Variants in NID1 observed in about 807,000 individuals in gnomAD.
NID1 encodes nidogen 1.
Under a neutral mutation model 130.6 loss-of-function variants are expected in NID1, and 76 were observed. The observed-to-expected ratio is 0.58, with a 90% CI of 0.48 to 0.70. The LOEUF is 0.70. NID1 is among the 30% of genes least tolerant of loss of function. NID1 has a pLI of 0.00. For missense variants in NID1, 1,517 were observed against 1,664.8 expected (o/e 0.91, Z 1.54); for synonymous variants, 665 against 675.1 (o/e 0.98, Z 0.23).
rs200949377 is a variant in NID1, at chr1:236,048,903, G to C, written c.312C>G (p.Val104=). ...TGTCCAAGTCCGCCAGGAAAGGGGCGACTGCACCGAATGTTGGTGGGAAGA... is the reference window on the plus strand; with the variant it reads ...TGTCCAAGTCCGCCAGGAAAGGGGCCACTGCACCGAATGTTGGTGGGAAGA... ...PGLFPPTFGA[V]APFLADLDTT... is the part of the protein sequence containing the mutation. The change falls in exon 2 of 20, where the codon GTC becomes GTG. Residue 104 remains valine (V), a synonymous_variant. Transcript: ENST00000264187. 10 of 1,613,910 alleles carry C rather than the reference G, an allele frequency of 6.2e-6. No individual in the cohort carries two copies. The highest frequency in any genetic ancestry group is 1.1e-5 in the South Asian group (1 of 91,044).
chr1:236,032,909 C>A (rs1265813783), intron 5 of NID1, among the ~76,000 whole-genome samples: 1 of 152,148 alleles, frequency 6.6e-6, no homozygotes, highest in Non-Finnish European at 1.5e-5. Context: ...GCTGTCTCCA[C>A]GGACAGCCAT....
chr1:235,986,303 T>C (rs1205199672), intron 14 of NID1, among the ~76,000 whole-genome samples: 1 of 152,134 alleles, frequency 6.6e-6, no homozygotes, highest in Non-Finnish European at 1.5e-5. Context: ...TAGAAAGTCA[T>C]GGGGAATCTA....
chr1:236,051,084 GA>G (rs1199334128), intron 1 of NID1, among the ~76,000 whole-genome samples: 50 of 150,228 alleles, frequency 3.3e-4, no homozygotes, highest in Non-Finnish European at 8.9e-5. Flanking sequence ...AGAGTGTCTC[GA>G]AAAAAAAAGA....
intron 12 of NID1, among the ~76,000 whole-genome samples, chr1:236,003,497 GGT>G (rs1433599047): frequency 6.6e-6 from 1 of 152,182 alleles, no homozygotes; most frequent in Non-Finnish European, 1.5e-5. Flanking sequence ...AAAACCCTGA[GGT>G]GTGTTGTCCT....
chr1:236,047,133 CA>C (rs1171865066), intron 2 of NID1, among the ~76,000 whole-genome samples: 2 of 151,438 alleles, frequency 1.3e-5, no homozygotes, highest in African/African-American at 4.9e-5. Context: ...AAAACAAAAA[CA>C]AAAAAAGTAG....
In NID1 at chr1:235,977,714, G is replaced by T; in HGVS notation, c.*153C>A. ...GAGAAGTCCAGGGTGCATGTTTTGGGGAACAGTGAGGGAAAAGTTGTTGGG... is the reference window on the plus strand; with the variant it reads ...GAGAAGTCCAGGGTGCATGTTTTGGTGAACAGTGAGGGAAAAGTTGTTGGG... On this transcript the variant is annotated 3_prime_UTR_variant, in exon 20 of 20. Coordinates refer to ENST00000264187, the MANE Select transcript of NID1 (RefSeq NM_002508.3). 1 of 777,980 alleles carries T rather than the reference G, an allele frequency of 1.3e-6. No homozygotes were observed. Among genetic ancestry groups the T allele is most frequent in the Non-Finnish European group, 2.1e-6 (1 of 482,464 alleles). The allele number at this position is 777,980 out of a possible 1,614,324, so 48.2% of individuals were successfully genotyped here. A position where few individuals can be genotyped will look rare whatever the true frequency, so the allele number is the denominator to read the frequency against.
intron 4 of NID1, 132 bp downstream of exon 4, chr1:236,041,778 C>T: frequency 8.6e-7 from 1 of 1,156,508 alleles, no homozygotes; most frequent in Non-Finnish European, 1.2e-6. Flanking sequence ...GAGAGTTCAG[C>T]CTCTACTTTC....
At chr1:236,046,275 T>G (rs1000841820) in intron 2 of NID1, among the ~76,000 whole-genome samples, 2 of 152,182 alleles carry the variant, frequency 1.3e-5, no homozygotes, top group Non-Finnish European at 2.9e-5. Flanking sequence ...CTACATGAGG[T>G]CACGTATGAA....
At chr1:236,005,018 T>C (rs1469756344) in intron 12 of NID1, among the ~76,000 whole-genome samples, 2 of 150,938 alleles carry the variant, frequency 1.3e-5, no homozygotes, top group Non-Finnish European at 3.0e-5. Context: ...CTACTAAAAA[T>C]ACAAAATTAG....
At position 236,004,067 on chromosome 1, in the gene NID1, G is replaced by T. The variant is rs904986145; in HGVS notation, c.2527+7854C>A. Among the ~76,000 whole-genome samples, 3 of 148,366 alleles carry T rather than the reference G, an allele frequency of 2.0e-5. No homozygotes were observed. In the East Asian group the frequency reaches 5.9e-4, roughly 29 times the overall value. On this transcript the variant is annotated intron_variant, in intron 12 of 19. Transcript: ENST00000264187. ...AAAAAAAACAAGAAGAAAAGAAAAA[G>T]AAATGAGGCCTCAGATCTAACAAAG...
At chr1:236,050,325 G>T (rs939536568) in intron 1 of NID1, among the ~76,000 whole-genome samples, 1 of 152,132 alleles carries the variant, frequency 6.6e-6, no homozygotes, top group East Asian at 1.9e-4. Context: ...AGGCTGAGGC[G>T]GGTGGATCAC....
intron 12 of NID1, among the ~76,000 whole-genome samples, chr1:236,006,715 A>C (rs1376634612): frequency 5.3e-5 from 8 of 152,192 alleles, no homozygotes; most frequent in Non-Finnish European, 1.0e-4. Flanking sequence ...GCTTTTGAGG[A>C]GAGAGAGGAG....
chr1:236,001,176 G>A (rs1470072887), intron 12 of NID1, among the ~76,000 whole-genome samples: 1 of 150,224 alleles, frequency 6.7e-6, no homozygotes, highest in African/African-American at 2.5e-5. Flanking sequence ...TGCAATCTCA[G>A]CTTACCGCAA....
intron 4 of NID1, among the ~76,000 whole-genome samples, chr1:236,041,384 T>C (rs1456486640): frequency 2.0e-5 from 3 of 151,900 alleles, no homozygotes; most frequent in Non-Finnish European, 4.4e-5. Context: ...TTTTAAAGAG[T>C]ATCTACTTTG....
intron 8 of NID1, among the ~76,000 whole-genome samples, chr1:236,025,108 C>T (rs1658883687): frequency 6.6e-6 from 1 of 151,674 alleles, no homozygotes; most frequent in South Asian, 2.1e-4. Context: ...CACACCACCA[C>T]ACCCAGCTAA....
chr1:235,977,699 G>T lies in NID1; in HGVS notation c.*168C>A. ...GAGACTTTTCTATTAGAGAAGTCCA[G>T]GGTGCATGTTTTGGGGAACAGTGAG... On this transcript the variant is annotated 3_prime_UTR_variant, in exon 20 of 20. Transcript: ENST00000264187. The T allele has an allele frequency of 1.5e-6, 1 of 673,040 alleles. No individual in the cohort carries two copies. Among genetic ancestry groups the T allele is most frequent in the East Asian group, 2.7e-5 (1 of 37,126 alleles). The allele number at this position is 673,040 out of a possible 1,614,324, so 41.7% of individuals were successfully genotyped here.
intron 12 of NID1, among the ~76,000 whole-genome samples, chr1:235,994,323 C>A (rs1428832689): frequency 1.3e-5 from 2 of 152,090 alleles, no homozygotes; most frequent in Non-Finnish European, 2.9e-5. Flanking sequence ...CCACCAAGCC[C>A]AGGTAATTTT....
chr1:236,059,725 A>G (rs984701050), intron 1 of NID1, among the ~76,000 whole-genome samples: 13 of 152,234 alleles, frequency 8.5e-5, no homozygotes, highest in Non-Finnish European at 1.6e-4. Flanking sequence ...CCAGACCCTC[A>G]GAAAGGGTTC....
At chr1:236,046,827 CA>C (rs1659615245) in intron 2 of NID1, among the ~76,000 whole-genome samples, 1 of 152,190 alleles carries the variant, frequency 6.6e-6, no homozygotes, top group Admixed American at 6.5e-5. Flanking sequence ...AGTTGGCAAG[CA>C]AAATGTGTCA....
Sources: gnomAD v4.1 joint callset for allele counts (sites outside exome capture counted in the v4.1 genomes callset) on GRCh38, gnomAD v4.1.1 for gene constraint, MANE v1.5 for transcripts, NCBI Gene and HGNC (gene_info 2026-07-23, HGNC 2026-07-21) for gene names.